The following CCDC60 variants were observed in gnomAD, a reference collection of about 807,000 sequenced individuals.
CCDC60 encodes the protein coiled-coil domain-containing protein 60.
A neutral mutation model predicts 63.5 loss-of-function variants in CCDC60; 54 were observed. The ratio of observed to expected loss-of-function variants is 0.85; its 90% CI spans 0.68 to 1.07. CCDC60 has a LOEUF of 1.07. CCDC60 is among the 50% of genes least tolerant of loss of function. The pLI is 0.00. For missense variants in CCDC60, 651 were observed against 684.3 expected (o/e 0.95, Z 0.54); for synonymous variants, 206 against 238.8 (o/e 0.86, Z 1.27).
intron 1 of CCDC60, among the ~76,000 whole-genome samples, chr12:119,416,963 A>T (rs1593056182): frequency 1.3e-5 from 2 of 152,156 alleles, no homozygotes; most frequent in East Asian, 3.9e-4. Context: ...TATACAAAAA[A>T]ATACAAAATT....
rs1956573640 is a variant in CCDC60 at position 119,410,351 on chromosome 12, T to G, written c.91-18332T>G. 6.6e-6 allele frequency among the ~76,000 whole-genome samples: 1 copy of G among 151,990 alleles called. No individual in the cohort carries two copies. The highest frequency in any genetic ancestry group is 1.5e-5 in the Non-Finnish European group (1 of 68,018). On this transcript the variant is annotated intron_variant, in intron 1 of 13. Transcript: ENST00000327554. The surrounding 1 kb of genome is among the most constrained non-coding windows in gnomAD (Gnocchi z 4.0). Reference sequence around the variant, plus strand: ...AAAAGTGATGTACCTTTTGATACATTTTTTTAAACCATTTGAAAATACTAC... The same window carrying G: ...AAAAGTGATGTACCTTTTGATACATGTTTTTAAACCATTTGAAAATACTAC...
intron 2 of CCDC60, among the ~76,000 whole-genome samples, chr12:119,454,738 G>C (rs1950693597): frequency 1.3e-5 from 2 of 152,352 alleles, no homozygotes; most frequent in Non-Finnish European, 2.9e-5. Flanking sequence ...CATGGTAGCA[G>C]AGCCCTGAAA....
chr12:119,500,039 T>G, intron 5 of CCDC60, 39 bp from the exon 6 acceptor site: 1 of 1,363,568 alleles, frequency 7.3e-7, no homozygotes, highest in Non-Finnish European at 1.1e-6. Context: ...AAACCAAGAC[T>G]CTGGAAACGG....
intron 6 of CCDC60, 38 bp from the exon 7 acceptor site, chr12:119,505,031 C>A (rs760616208): frequency 2.0e-6 from 3 of 1,468,242 alleles, no homozygotes; most frequent in Non-Finnish European, 1.9e-6. Context: ...CTTTTTCCCC[C>A]TCCTTCCTGA....
At chr12:119,532,396 CTATTATTAT>C (rs71451846) in intron 13 of CCDC60, among the ~76,000 whole-genome samples, 67 of 142,322 alleles carry the variant, frequency 4.7e-4, no homozygotes, top group East Asian at 3.2e-3. Flanking sequence ...CATCACAGAA[CTATTATTAT>C]TATTATTATT....
At chr12:119,514,595 G>A (rs1391544485) in intron 7 of CCDC60, among the ~76,000 whole-genome samples, 1 of 152,140 alleles carries the variant, frequency 6.6e-6, no homozygotes, top group African/African-American at 2.4e-5. Context: ...GATATACAAT[G>A]TGTTTGTTTT....
At chr12:119,373,438 C>T (rs1214449379) in intron 1 of CCDC60, among the ~76,000 whole-genome samples, 1 of 152,114 alleles carries the variant, frequency 6.6e-6, no homozygotes, top group Non-Finnish European at 1.5e-5. Context: ...GGGTTTTCAT[C>T]AGTCCAACCC....
chr12:119,431,770 C>T (rs1950233446), intron 2 of CCDC60, among the ~76,000 whole-genome samples: 1 of 152,170 alleles, frequency 6.6e-6, no homozygotes, highest in African/African-American at 2.4e-5. Flanking sequence ...CCTCCGCCTC[C>T]CGGGTTCACG....
At position 119,522,938 on chromosome 12, in the gene CCDC60, G is replaced by T; in HGVS notation, c.1041-1G>T. Reference sequence around the variant, plus strand: ...CTTGAAACCATCCTTTTGTGTTTCAGTGAGAGATCCAGCAGTACAAGTGCA... The same window carrying T: ...CTTGAAACCATCCTTTTGTGTTTCATTGAGAGATCCAGCAGTACAAGTGCA... On this transcript the variant is annotated splice_acceptor_variant, in intron 9 of 13. Coordinates refer to ENST00000327554, the MANE Select transcript of CCDC60 (RefSeq NM_178499.5). LOFTEE classifies it high-confidence loss of function. The T allele has an allele frequency of 1.9e-6, 3 of 1,614,124 alleles. No homozygotes were observed. The highest frequency in any genetic ancestry group is 1.7e-6 in the Non-Finnish European group (2 of 1,179,990).
intron 1 of CCDC60, among the ~76,000 whole-genome samples, chr12:119,336,420 C>A (rs1286394191): frequency 3.9e-5 from 6 of 151,984 alleles, no homozygotes; most frequent in Non-Finnish European, 7.4e-5. Flanking sequence ...CCAGTAATTC[C>A]AAAATGATGG....
chr12:119,363,399 TTATA>T, intron 1 of CCDC60, among the ~76,000 whole-genome samples: 1 of 149,344 alleles, frequency 6.7e-6, no homozygotes, highest in Non-Finnish European at 1.5e-5. Flanking sequence ...TAAGAGTTCT[TTATA>T]TAGTCTAGGT....
chr12:119,337,515 A>G lies in CCDC60; in HGVS notation c.90+2249A>G, dbSNP rs549290513. Among the ~76,000 whole-genome samples the G allele has an allele frequency of 2.6e-5, 4 of 152,332 alleles. No individual in the cohort carries two copies. The East Asian group carries it at 7.7e-4, about 29-fold the overall frequency. On this transcript the variant is annotated intron_variant, in intron 1 of 13. Coordinates refer to ENST00000327554, the MANE Select transcript of CCDC60 (RefSeq NM_178499.5). The stretch of plus-strand genomic sequence containing the variant: ...AGCATTAAATGAGTTAACGTACGCC[A>G]AAAGCTACGAGCACAGTTCCTGACA...
At chr12:119,445,457 G>A (rs866926093) in intron 2 of CCDC60, among the ~76,000 whole-genome samples, 39 of 83,690 alleles carry the variant, frequency 4.7e-4, no homozygotes, top group African/African-American at 7.8e-4. Flanking sequence ...AAAAAAAAAA[G>A]GAATGCTCTG....
chr12:119,458,240 T>C (rs12366475), intron 2 of CCDC60, among the ~76,000 whole-genome samples: 21,348 of 152,176 alleles, frequency 0.14, 1,631 homozygotes, highest in East Asian at 0.3. Context: ...ATGTAGGCAA[T>C]TCCCTTCTGC....
rs1198372538 is a variant in CCDC60 at position 119,420,525 on chromosome 12, T to A, written c.91-8158T>A. Among the ~76,000 whole-genome samples the A allele has an allele frequency of 6.6e-6, 1 of 152,104 alleles. No homozygotes were observed. The highest frequency in any genetic ancestry group is 1.5e-5 in the Non-Finnish European group (1 of 68,020). On this transcript the variant is annotated intron_variant, in intron 1 of 13. Coordinates refer to ENST00000327554, the MANE Select transcript of CCDC60 (RefSeq NM_178499.5). The surrounding 1 kb of genome is among the most constrained non-coding windows in gnomAD (Gnocchi z 4.1). ...GATCTACAAATCAAAACAATTGAAC[T>A]AATGGACATAGGTAGTAGAAGGATG...
chr12:119,499,355 T>C (rs1951791186), intron 5 of CCDC60, among the ~76,000 whole-genome samples: 1 of 152,174 alleles, frequency 6.6e-6, no homozygotes, highest in South Asian at 2.1e-4. Flanking sequence ...AATACAAAAT[T>C]ACAATACAAA....
Position 119,356,342 on chromosome 12 carries a change from A to G in CCDC60, c.90+21076A>G, listed in dbSNP as rs1007398819. Among the ~76,000 whole-genome samples, 3 of 152,186 alleles carry G rather than the reference A, an allele frequency of 2.0e-5. No homozygotes were observed. In the East Asian group the frequency reaches 5.8e-4, roughly 29 times the overall value. ...TTTTGCTTTGTTATTAGAATGATAC[A>G]TAGTTATCCATTTCATTTCATTTTA... On this transcript the variant is annotated intron_variant, in intron 1 of 13. Coordinates refer to ENST00000327554, the MANE Select transcript of CCDC60 (RefSeq NM_178499.5).
At chr12:119,434,244 A>T (rs1950286819) in intron 2 of CCDC60, among the ~76,000 whole-genome samples, 1 of 151,330 alleles carries the variant, frequency 6.6e-6, no homozygotes, top group Non-Finnish European at 1.5e-5. Context: ...TAGAAATAAC[A>T]AAGGTGGAAT....
At chr12:119,368,926 C>T (rs778999531) in intron 1 of CCDC60, among the ~76,000 whole-genome samples, 1 of 152,116 alleles carries the variant, frequency 6.6e-6, no homozygotes, top group Non-Finnish European at 1.5e-5. Flanking sequence ...TTTCCCCTTT[C>T]CTCTTGTTTT....
Sources: allele counts gnomAD v4.1 joint callset (sites outside exome capture counted in the v4.1 genomes callset), GRCh38; gene constraint gnomAD v4.1.1; non-coding constraint Gnocchi (gnomAD v3.1); transcripts MANE v1.5; gene names NCBI Gene and HGNC (gene_info 2026-07-23, HGNC 2026-07-21).